Variants in TMEM255A observed in about 807,000 individuals in gnomAD.
TMEM255A encodes transmembrane protein 255A.
Under a neutral mutation model 23.5 loss-of-function variants are expected in TMEM255A, and 14 were observed. The ratio of observed to expected loss-of-function variants is 0.60; its 90% CI spans 0.39 to 0.93. The LOEUF is 0.93. TMEM255A is among the 40% of genes least tolerant of loss of function. The pLI is 0.00. For missense variants in TMEM255A, 233 were observed against 261.7 expected (o/e 0.89, Z 0.76); for synonymous variants, 104 against 100.3 (o/e 1.04, Z -0.22).
chrX:120,302,225 G>A (rs1382742435), intron 2 of TMEM255A, among the ~76,000 whole-genome samples: 2 of 110,944 alleles, frequency 1.8e-5, no homozygotes, highest in Non-Finnish European at 3.8e-5. Context: ...CTTTGTTAAC[G>A]TATTCCAACC....
intron 6 of TMEM255A, among the ~76,000 whole-genome samples, chrX:120,283,840 C>G (rs1348081996): frequency 9.0e-6 from 1 of 111,260 alleles, no homozygotes; most frequent in Admixed American, 9.6e-5. Context: ...CCATGCTGTA[C>G]CCTTCAATGG....
intron 4 of TMEM255A, among the ~76,000 whole-genome samples, chrX:120,290,367 C>T (rs72607683): frequency 0.15 from 16,526 of 110,886 alleles, 1,073 homozygotes; most frequent in East Asian, 0.25. Context: ...GATAATAATG[C>T]CTGCCCTATA....
intron 1 of TMEM255A, among the ~76,000 whole-genome samples, chrX:120,306,869 T>C (rs1556027198): frequency 2.7e-5 from 3 of 112,066 alleles, no homozygotes; most frequent in African/African-American, 9.7e-5. Context: ...TTTGAAAATC[T>C]TTTTTCCTGC....
At chrX:120,263,589 A>G (rs1438260767) in intron 8 of TMEM255A, among the ~76,000 whole-genome samples, 2 of 111,973 alleles carry the variant, frequency 1.8e-5, no homozygotes, top group African/African-American at 6.5e-5. Context: ...CAAAGAGCCC[A>G]GGAACTGGCT....
At chrX:120,296,015 G>A (rs1406826535) in intron 2 of TMEM255A, among the ~76,000 whole-genome samples, 5 of 111,808 alleles carry the variant, frequency 4.5e-5, no homozygotes, top group African/African-American at 1.6e-4. Flanking sequence ...GATGTTCCAC[G>A]GCTTCTATTT....
At chrX:120,306,126 A>T (rs1428905843) in intron 1 of TMEM255A, among the ~76,000 whole-genome samples, 1 of 111,385 alleles carries the variant, frequency 9.0e-6, no homozygotes, top group Non-Finnish European at 1.9e-5. Flanking sequence ...CTTTAAAGAG[A>T]CCTGAGTCCA....
At chrX:120,254,023 C>G, downstream of TMEM255A, 1 of 1,209,656 alleles carries the variant, frequency 8.3e-7, no homozygotes, top group Non-Finnish European at 1.1e-6. Context: ...GAGATTCTGC[C>G]CACAAAGGAG....
At chrX:120,307,425 A>C (rs1334465127) in intron 1 of TMEM255A, among the ~76,000 whole-genome samples, 2 of 112,130 alleles carry the variant, frequency 1.8e-5, no homozygotes, top group African/African-American at 6.5e-5. Context: ...GATTTTGTTT[A>C]GTAAAGTGAC....
chrX:120,303,936 G>C (rs782762843), intron 2 of TMEM255A, among the ~76,000 whole-genome samples: 2 of 111,322 alleles, frequency 1.8e-5, no homozygotes, highest in Admixed American at 9.6e-5. Context: ...GATCACTTTG[G>C]AGATCAGTGC....
At chrX:120,307,755 C>T (rs1269891679) in intron 1 of TMEM255A, among the ~76,000 whole-genome samples, 1 of 111,778 alleles carries the variant, frequency 8.9e-6, no homozygotes, top group Non-Finnish European at 1.9e-5. Flanking sequence ...TCCTTGGCAC[C>T]CAGTATATTT....
At chrX:120,297,545 T>C (rs1386481640) in intron 2 of TMEM255A, among the ~76,000 whole-genome samples, 2 of 110,724 alleles carry the variant, frequency 1.8e-5, no homozygotes, top group Admixed American at 9.8e-5. Context: ...TTCAAAAGCA[T>C]TTTAAGTTAA....
Position 120,264,040 on chromosome X carries a change from C to T in TMEM255A, c.820-3012G>A, listed in dbSNP as rs782072487. ...TTTGAATTGCATAGGTTGAGACTTTCGTTTTAAGCTTAAACTTGGCTGGTC... is the reference window on the plus strand; with the variant it reads ...TTTGAATTGCATAGGTTGAGACTTTTGTTTTAAGCTTAAACTTGGCTGGTC... On this transcript the variant is annotated intron_variant, in intron 8 of 8. Coordinates refer to ENST00000371369, the MANE Select transcript of TMEM255A (RefSeq NM_001104544.3). Among the ~76,000 whole-genome samples, 15 of 111,691 alleles carry T rather than the reference C, an allele frequency of 1.3e-4. No individual in the cohort carries two copies. The South Asian group carries it at 3.0e-3, about 23-fold the overall frequency.
At chrX:120,299,399 G>C (rs1016375014) in intron 2 of TMEM255A, among the ~76,000 whole-genome samples, 2 of 111,156 alleles carry the variant, frequency 1.8e-5, no homozygotes, top group Non-Finnish European at 3.8e-5. Flanking sequence ...AGCCGGCCTC[G>C]ACCTCCTGGG....
chrX:120,266,823 CT>C (rs1178686857), intron 8 of TMEM255A, among the ~76,000 whole-genome samples: 1 of 112,368 alleles, frequency 8.9e-6, no homozygotes, highest in Admixed American at 9.4e-5. Context: ...TTGAAATTAT[CT>C]ATGCCCTTCT....
chrX:120,277,044 C>A lies in TMEM255A; in HGVS notation c.516G>T (p.Arg172=), dbSNP rs2057803651. 8.3e-7 allele frequency: 1 copy of A among 1,205,442 alleles called. No individual in the cohort carries two copies. Among genetic ancestry groups the A allele is most frequent in the South Asian group, 1.8e-5 (1 of 55,864 alleles). The change falls in exon 7 of 9, where the codon CGG becomes CGT. Residue 172 remains arginine (R), a synonymous_variant. Transcript: ENST00000371369. The part of the protein sequence containing the change: ...FCCDLYNCGN[R]VEITGGYYEY... ...CGTAGTACCCACCAGTGATCTCCAC[C>A]CGGCTGGACAGGGAGGAGCATGCTC...
chrX:120,280,650 T>C (rs11797246), intron 6 of TMEM255A, among the ~76,000 whole-genome samples: 9,517 of 110,618 alleles, frequency 0.086, 419 homozygotes, highest in South Asian at 0.18. Context: ...TGATTACTCT[T>C]CCTAAAACAC....
intron 2 of TMEM255A, among the ~76,000 whole-genome samples, chrX:120,297,806 C>G (rs1556025162): frequency 9.0e-6 from 1 of 111,258 alleles, no homozygotes; most frequent in Non-Finnish European, 1.9e-5. Context: ...GCAACAAGGA[C>G]TTCATTGTTG....
chrX:120,292,069 T>A (rs1447154218), intron 3 of TMEM255A, among the ~76,000 whole-genome samples: 1 of 111,315 alleles, frequency 9.0e-6, no homozygotes, highest in Non-Finnish European at 1.9e-5. Context: ...CTCAAACTCC[T>A]GAGAACAGCA....
chrX:120,271,552 C>T (rs1280096097), intron 7 of TMEM255A, among the ~76,000 whole-genome samples: 6 of 111,387 alleles, frequency 5.4e-5, no homozygotes, highest in South Asian at 7.5e-4. Flanking sequence ...AAATTAAGAA[C>T]GCAGAAACAA....
Sources: gnomAD v4.1 joint callset for allele counts (sites outside exome capture counted in the v4.1 genomes callset) on GRCh38, gnomAD v4.1.1 for gene constraint, MANE v1.5 for transcripts, NCBI Gene and HGNC (gene_info 2026-07-23, HGNC 2026-07-21) for gene names.